Variants in SANBR observed in about 807,000 individuals in gnomAD.
SANBR encodes SANT and BTB domain regulator of class switch recombination.
In SANBR, 77 loss-of-function variants were observed where a neutral mutation model predicts 101.8. That is an observed-to-expected ratio of 0.76 (90% confidence interval 0.63 to 0.91). The LOEUF (loss-of-function observed/expected upper bound fraction) is 0.91. Among genes scored for constraint, SANBR ranks in the 40% least tolerant of loss-of-function variants. SANBR has a pLI of 0.00. For synonymous variants in SANBR, 279 were observed against 274.7 expected (o/e 1.02, Z -0.15); for missense variants, 875 against 853.0 (o/e 1.03, Z -0.32).
Position 61,123,108 on chromosome 2 carries a change from T to A in SANBR, c.*946T>A. On this transcript the variant is annotated 3_prime_UTR_variant, in exon 22 of 22. Coordinates refer to ENST00000402291, the MANE Select transcript of SANBR (RefSeq NM_001129993.3). Reference sequence around the variant, plus strand: ...TCAAAATAAAATTCTATTTTATAAATCATGTTTAAATTTTTCTAGCCAGGC... The same window carrying A: ...TCAAAATAAAATTCTATTTTATAAAACATGTTTAAATTTTTCTAGCCAGGC... 1.0e-6 allele frequency: 1 copy of A among 971,332 alleles called. No individual in the cohort carries two copies. Among genetic ancestry groups the A allele is most frequent in the Non-Finnish European group, 1.2e-6 (1 of 816,998 alleles). 60.2% of individuals were successfully genotyped at this position (971,332 alleles called of 1,614,324 possible). A position where few individuals can be genotyped will look rare whatever the true frequency, so the allele number is the denominator to read the frequency against.
intron 7 of SANBR, among the ~76,000 whole-genome samples, chr2:61,082,169 C>T (rs879881236): frequency 1.3e-5 from 2 of 152,124 alleles, no homozygotes; most frequent in African/African-American, 2.4e-5. Context: ...ACCTATATTC[C>T]TGTATTCTTT....
chr2:61,119,948 C>T (rs577330869), intron 20 of SANBR, among the ~76,000 whole-genome samples: 11 of 151,854 alleles, frequency 7.2e-5, no homozygotes, highest in East Asian at 1.9e-4. Flanking sequence ...GGCAACAGAA[C>T]GAGACCCTGT....
intron 4 of SANBR, 25 bp from the exon 5 acceptor site, chr2:61,073,433 G>A: frequency 9.1e-7 from 1 of 1,093,842 alleles, no homozygotes; most frequent in South Asian, 1.7e-5. Context: ...TTTTTTTTTT[G>A]TATGTGTTTG....
At chr2:61,085,942 A>G (rs1224943945) in intron 8 of SANBR, among the ~76,000 whole-genome samples, 2 of 152,156 alleles carry the variant, frequency 1.3e-5, no homozygotes, top group Non-Finnish European at 2.9e-5. Context: ...TAAATTTGAT[A>G]ATCAGCTTAC....
intron 7 of SANBR, 114 bp from the exon 8 acceptor site, chr2:61,083,040 A>T: frequency 1.2e-6 from 1 of 807,220 alleles, no homozygotes; most frequent in East Asian, 2.6e-5. Context: ...AAACCCAGTT[A>T]GTGCCTAGCA....
downstream of SANBR, among the ~76,000 whole-genome samples, chr2:61,124,987 A>G (rs750977209): frequency 3.3e-5 from 5 of 152,230 alleles, no homozygotes; most frequent in Admixed American, 6.5e-5. Context: ...AATTCCTGGA[A>G]TTAATTCTGC....
chr2:61,122,403 A>G lies in SANBR; in HGVS notation c.*241A>G. On this transcript the variant is annotated 3_prime_UTR_variant, in exon 22 of 22. Coordinates refer to ENST00000402291, the MANE Select transcript of SANBR (RefSeq NM_001129993.3). Reference sequence around the variant, plus strand: ...ATCATTCTAGGCTATGTAGAAAGCAATTATTTACAAATTTGCATAGTTGAG... The same window carrying G: ...ATCATTCTAGGCTATGTAGAAAGCAGTTATTTACAAATTTGCATAGTTGAG... 8.3e-6 allele frequency: 10 copies of G among 1,204,138 alleles called. No homozygotes were observed. Among genetic ancestry groups the G allele is most frequent in the East Asian group, 3.5e-5 (1 of 28,956 alleles). The allele number at this position is 1,204,138 out of a possible 1,614,324, so 74.6% of individuals were successfully genotyped here.
intron 20 of SANBR, chr2:61,134,127 T>C (rs1347274843): frequency 3.1e-6 from 5 of 1,614,030 alleles, no homozygotes; most frequent in Non-Finnish European, 4.2e-6. Context: ...TATTATCTGC[T>C]TTTTTACAGA....
intron 16 of SANBR, among the ~76,000 whole-genome samples, chr2:61,111,087 CA>C (rs1683807909): frequency 6.6e-6 from 1 of 152,044 alleles, no homozygotes; most frequent in Non-Finnish European, 1.5e-5. Context: ...AACAACCCTC[CA>C]ATGACATTGA....
intron 19 of SANBR, among the ~76,000 whole-genome samples, 194 bp downstream of exon 19, chr2:61,117,734 C>T (rs564703177): frequency 6.6e-6 from 1 of 152,262 alleles, no homozygotes; most frequent in African/African-American, 2.4e-5. Flanking sequence ...TTATTTTATG[C>T]ATCTGTGGTT....
In SANBR at chr2:61,092,540, C is replaced by T. The variant is rs761502420; in HGVS notation, c.1165C>T (p.Arg389Ter). ...ELKSWRDVYW[R>*]LWGTINWLTC... ...AAAATCTTGGAGAGATGTATACTGG[C>T]GATTGTGGGGAACAATCAATTGGCT... The change falls in exon 11 of 22, where the codon CGA becomes TGA. Residue 389 changes from arginine to a stop codon, truncating the protein, a stop_gained. Transcript: ENST00000402291. LOFTEE classifies it high-confidence loss of function. The T allele has an allele frequency of 1.9e-6, 3 of 1,604,412 alleles. No homozygotes were observed. Among genetic ancestry groups the T allele is most frequent in the Admixed American group, 1.7e-5 (1 of 58,966 alleles).
intron 16 of SANBR, among the ~76,000 whole-genome samples, chr2:61,115,093 C>T (rs1196823752): frequency 6.6e-6 from 1 of 152,140 alleles, no homozygotes; most frequent in Middle Eastern, 3.2e-3. Context: ...ACCCCCTTTT[C>T]TGAAAGAGTT....
chr2:61,073,785 A>G (rs902470321), intron 5 of SANBR, among the ~76,000 whole-genome samples: 3 of 151,940 alleles, frequency 2.0e-5, no homozygotes, highest in Non-Finnish European at 4.4e-5. Flanking sequence ...TATAAATATT[A>G]GAAGTAATAT....
At chr2:61,089,064 CTT>C (rs146345604) in intron 10 of SANBR, 11,284 of 975,812 alleles carry the variant, frequency 0.012, 88 homozygotes, top group South Asian at 0.024. Flanking sequence ...AAAATGCTCT[CTT>C]TTCACTAACA....
At chr2:61,076,256 G>A (rs532808313) in intron 5 of SANBR, among the ~76,000 whole-genome samples, 3 of 149,734 alleles carry the variant, frequency 2.0e-5, no homozygotes, top group African/African-American at 7.3e-5. Context: ...GCCTCCCAAA[G>A]TGCTGGGATT....
intron 20 of SANBR, among the ~76,000 whole-genome samples, chr2:61,130,433 C>G (rs965499082): frequency 6.6e-6 from 1 of 151,954 alleles, no homozygotes; most frequent in African/African-American, 2.4e-5. Context: ...AAAGAAAAGC[C>G]CAGACATCAC....
chr2:61,128,614 T>C (rs535530255), downstream of SANBR, among the ~76,000 whole-genome samples: 78 of 151,838 alleles, frequency 5.1e-4, no homozygotes, highest in Non-Finnish European at 8.2e-4. Context: ...TGCCTCAGCC[T>C]CCCAAGTAGC....
intron 16 of SANBR, among the ~76,000 whole-genome samples, chr2:61,115,344 A>G (rs574169028): frequency 2.4e-4 from 23 of 97,766 alleles, no homozygotes; most frequent in Admixed American, 6.0e-4. Context: ...ATATATATAT[A>G]TATTTTTTTT....
chr2:61,120,502 A>C (rs566312676), intron 20 of SANBR, among the ~76,000 whole-genome samples: 35 of 152,140 alleles, frequency 2.3e-4, no homozygotes, highest in Admixed American at 1.6e-3. Context: ...ACTCCATCTC[A>C]AAAAGAACAT....
Sources: allele counts gnomAD v4.1 joint callset (sites outside exome capture counted in the v4.1 genomes callset), GRCh38; gene constraint gnomAD v4.1.1; transcripts MANE v1.5; gene names NCBI Gene and HGNC (gene_info 2026-07-23, HGNC 2026-07-21).